The following SKP2 variants were observed in gnomAD, a reference collection of about 807,000 sequenced individuals.
The protein encoded by SKP2 is S-phase kinase-associated protein 2.
In SKP2, 16 loss-of-function variants were observed where a neutral mutation model predicts 51.8. The observed-to-expected ratio is 0.31, with a 90% CI of 0.21 to 0.47. The LOEUF (loss-of-function observed/expected upper bound fraction) is 0.47, where lower values mean the gene tolerates loss of function less well. Among genes scored for constraint, SKP2 ranks in the 20% least tolerant of loss-of-function variants. SKP2 has a pLI of 1.00. For synonymous variants in SKP2, 176 were observed against 198.6 expected (o/e 0.89, Z 0.96); for missense variants, 377 against 505.3 (o/e 0.75, Z 2.43).
At chr5:36,177,411 AC>A in intron 9 of SKP2, 119 bp downstream of exon 9, 1 of 748,446 alleles carries the variant, frequency 1.3e-6, no homozygotes. Flanking sequence ...TAATAAGTAT[AC>A]CACAGACTGG....
In SKP2 at chr5:36,191,392, C is replaced by G. The variant is rs199961500; in HGVS notation, c.633-1229C>G. On this transcript the variant is annotated intron_variant, in intron 6 of 7. Coordinates refer to the SKP2 transcript ENST00000677886. ...CTCCAGAGGCTTGTATCATCAAGTT[C>G]TTTTTTTTTTTTTTTTTAGCCAGGA... 4.1e-5 allele frequency among the ~76,000 whole-genome samples: 5 copies of G among 122,138 alleles called. No homozygotes were observed. In the East Asian group the frequency reaches 1.1e-3, roughly 27 times the overall value. The allele number at this position is 122,138 out of a possible 152,430, so 80.1% of individuals were successfully genotyped here.
intron 4 of SKP2, among the ~76,000 whole-genome samples, chr5:36,167,743 G>A (rs940562717): frequency 6.6e-6 from 1 of 151,830 alleles, no homozygotes; most frequent in Non-Finnish European, 1.5e-5. Context: ...TCAGCCTCTC[G>A]AGCACCTGGG....
intron 6 of SKP2, among the ~76,000 whole-genome samples, chr5:36,192,013 G>GTAAT (rs1373097300): frequency 2.0e-5 from 3 of 152,028 alleles, no homozygotes; most frequent in Admixed American, 1.3e-4. Flanking sequence ...TATCTAAATT[G>GTAAT]TAATTTTGAG....
chr5:36,152,177 G>C lies in SKP2; in HGVS notation c.-86G>C. 8 of 1,465,970 alleles carry C rather than the reference G, an allele frequency of 5.5e-6. No individual in the cohort carries two copies. The highest frequency in any genetic ancestry group is 7.6e-6 in the Non-Finnish European group (8 of 1,047,020). 90.8% of individuals were successfully genotyped at this position (1,465,970 alleles called of 1,614,324 possible). ...TGGGGGCCCGAGCAGCACGCTCGGA[G>C]CCGCCGCGCGCCAAAGCGGGAATCT... On this transcript the variant is annotated 5_prime_UTR_variant, in exon 1 of 10. Coordinates refer to ENST00000274255, the MANE Select transcript of SKP2 (RefSeq NM_005983.4).
chr5:36,180,793 A>G (rs1160341475), intron 9 of SKP2, among the ~76,000 whole-genome samples: 1 of 152,212 alleles, frequency 6.6e-6, no homozygotes, highest in Admixed American at 6.5e-5. Context: ...TTTAAAAATA[A>G]TTATTGACAA....
chr5:36,165,991 G>A (rs1252779417), intron 3 of SKP2, among the ~76,000 whole-genome samples: 2 of 151,992 alleles, frequency 1.3e-5, no homozygotes, highest in East Asian at 3.9e-4. Context: ...TATATTATAA[G>A]GCACAGCTGA....
intron 9 of SKP2, among the ~76,000 whole-genome samples, chr5:36,178,033 A>G (rs759125501): frequency 2.6e-5 from 4 of 152,152 alleles, no homozygotes; most frequent in Non-Finnish European, 5.9e-5. Flanking sequence ...CCTTTGGGAA[A>G]CACCATACCC....
intron 2 of SKP2, among the ~76,000 whole-genome samples, chr5:36,158,837 C>A (rs1745034089): frequency 6.6e-6 from 1 of 152,106 alleles, no homozygotes; most frequent in Non-Finnish European, 1.5e-5. Context: ...AAGCCCCAGC[C>A]CCCATCTCCC....
chr5:36,174,731 T>C (rs1249095946), intron 7 of SKP2, among the ~76,000 whole-genome samples: 1 of 152,010 alleles, frequency 6.6e-6, no homozygotes, highest in African/African-American at 2.4e-5. Flanking sequence ...TACTTTTAGA[T>C]GGAATGGTTA....
intron 4 of SKP2, 118 bp downstream of exon 4, chr5:36,166,780 A>G (rs928428329): frequency 1.2e-6 from 1 of 844,478 alleles, no homozygotes; most frequent in African/African-American, 1.7e-5. Context: ...TTATCTGTGC[A>G]GTGTGGGATG....
At chr5:36,154,017 G>A (rs1383689658) in intron 2 of SKP2, among the ~76,000 whole-genome samples, 1 of 152,124 alleles carries the variant, frequency 6.6e-6, no homozygotes, top group Non-Finnish European at 1.5e-5. Flanking sequence ...TAGAGGAGTG[G>A]GCACAACAAA....
chr5:36,181,240 T>C (rs1295869116), intron 9 of SKP2, among the ~76,000 whole-genome samples: 1 of 152,164 alleles, frequency 6.6e-6, no homozygotes, highest in Non-Finnish European at 1.5e-5. Flanking sequence ...TACCCAACTG[T>C]ATAACCCTAT....
intron 3 of SKP2, among the ~76,000 whole-genome samples, chr5:36,164,349 CT>C (rs1268741884): frequency 6.6e-6 from 1 of 152,068 alleles, no homozygotes; most frequent in African/African-American, 2.4e-5. Flanking sequence ...GGGTTGTGCT[CT>C]TTTTTTGGCA....
At chr5:36,184,771 T>C (rs1311437149), downstream of SKP2, among the ~76,000 whole-genome samples, 1 of 152,240 alleles carries the variant, frequency 6.6e-6, no homozygotes, top group East Asian at 1.9e-4. Flanking sequence ...CCTTTGGGTA[T>C]ATACCCAGTA....
intron 2 of SKP2, among the ~76,000 whole-genome samples, chr5:36,160,077 T>G (rs115634715): frequency 0.014 from 2,079 of 152,334 alleles, 33 homozygotes; most frequent in South Asian, 0.062. Context: ...TTTTGCAAGA[T>G]AAATCTGTCA....
intron 2 of SKP2, among the ~76,000 whole-genome samples, chr5:36,163,287 C>T (rs1279475468): frequency 2.0e-5 from 3 of 152,146 alleles, no homozygotes; most frequent in East Asian, 1.9e-4. Flanking sequence ...GGGACTTGCT[C>T]TGTACCACTC....
chr5:36,176,093 C>G (rs985005773), intron 7 of SKP2, among the ~76,000 whole-genome samples: 6 of 151,932 alleles, frequency 3.9e-5, no homozygotes, highest in African/African-American at 1.4e-4. Flanking sequence ...TTATGGTAGA[C>G]CTACTTTATA....
Position 36,183,854 on chromosome 5 carries a change from C to A in SKP2, c.*1823C>A. 1 of 1,602,768 alleles carries A rather than the reference C, an allele frequency of 6.2e-7. No homozygotes were observed. The highest frequency in any genetic ancestry group is 1.1e-5 in the South Asian group (1 of 88,418). On this transcript the variant is annotated 3_prime_UTR_variant, in exon 10 of 10. Transcript: ENST00000274255. ...ATTGTTTACAGATTAGTGACAAGAGCTGGGGTTAGGATCCGGTTGGACTCT... is the reference window on the plus strand; with the variant it reads ...ATTGTTTACAGATTAGTGACAAGAGATGGGGTTAGGATCCGGTTGGACTCT...
At chr5:36,159,656 G>T (rs934123911) in intron 2 of SKP2, among the ~76,000 whole-genome samples, 2 of 152,148 alleles carry the variant, frequency 1.3e-5, no homozygotes, top group African/African-American at 4.8e-5. Flanking sequence ...TTTCTAGATG[G>T]TTTACTGGAG....
Sources: gnomAD v4.1 joint callset for allele counts (sites outside exome capture counted in the v4.1 genomes callset) on GRCh38, gnomAD v4.1.1 for gene constraint, MANE v1.5 for transcripts, NCBI Gene and HGNC (gene_info 2026-07-23, HGNC 2026-07-21) for gene names.